Variants in UNC79 observed in about 807,000 individuals in gnomAD.
The protein encoded by UNC79 is protein unc-79 homolog.
UNC79 carries 37 observed loss-of-function variants against 283.1 expected under a neutral mutation model. That is an observed-to-expected ratio of 0.13 (90% CI 0.10 to 0.17). The LOEUF (loss-of-function observed/expected upper bound fraction) is 0.17. Ranked by LOEUF, UNC79 falls within the 10% of genes least tolerant of loss-of-function variation. The pLI is 1.00. For missense variants in UNC79, 2,272 were observed against 3,211.1 expected (o/e 0.71, Z 7.07); for synonymous variants, 1,107 against 1,200.2 (o/e 0.92, Z 1.61).
rs528190808 is a variant in UNC79 at position 93,404,737 on chromosome 14, T to C, written c.-350-62934T>C. 1.8e-3 allele frequency among the ~76,000 whole-genome samples: 273 copies of C among 151,238 alleles called. 2 individuals carry two copies. The highest frequency in any genetic ancestry group is 6.3e-3 in the African/African-American group (262 of 41,312). The stretch of plus-strand genomic sequence containing the variant: ...GTATATCAGAATAAACATAAAAAGA[T>C]TCAACTCCTCTCTTAATGAAAGAGA... On this transcript the variant is annotated intron_variant, in intron 1 of 49. Transcript: ENST00000256339.
At chr14:93,560,690 A>G (rs1028842602) in intron 14 of UNC79, among the ~76,000 whole-genome samples, 3 of 152,190 alleles carry the variant, frequency 2.0e-5, no homozygotes, top group African/African-American at 7.2e-5. Context: ...ACTAGTGTGC[A>G]TGTGCCTGTC....
chr14:93,633,187 T>G (rs749163617), intron 31 of UNC79, among the ~76,000 whole-genome samples: 2 of 152,200 alleles, frequency 1.3e-5, no homozygotes, highest in Non-Finnish European at 2.9e-5. Context: ...CATTGTAAGT[T>G]TTACCAATTA....
At chr14:93,347,883 T>A in intron 1 of UNC79, 2 of 577,544 alleles carry the variant, frequency 3.5e-6, no homozygotes, top group South Asian at 4.7e-5. Context: ...TGAATCGATT[T>A]TCAGCATTTT....
At chr14:93,612,569 C>T (rs2066387845) in intron 26 of UNC79, among the ~76,000 whole-genome samples, 1 of 152,178 alleles carries the variant, frequency 6.6e-6, no homozygotes, top group South Asian at 2.1e-4. Flanking sequence ...TTCCCATTCC[C>T]TAATTCTCCC....
chr14:93,629,386 T>C (rs2067843352), intron 30 of UNC79, among the ~76,000 whole-genome samples: 1 of 152,178 alleles, frequency 6.6e-6, no homozygotes, highest in Non-Finnish European at 1.5e-5. Context: ...TTATGCATGT[T>C]TTTGATTAGT....
rs911477710 is a variant in UNC79 at position 93,348,009 on chromosome 14, G to A, written c.-351+14486G>A. 16 of 1,508,690 alleles carry A rather than the reference G, an allele frequency of 1.1e-5. 1 individual carries two copies. In the African/African-American group the frequency reaches 1.2e-4, roughly 12 times the overall value. The allele number at this position is 1,508,690 out of a possible 1,614,324, so 93.5% of individuals were successfully genotyped here. On this transcript the variant is annotated intron_variant, in intron 1 of 49. Transcript: ENST00000256339. ...CCTAGGAAGCCATACTCAGCAGCGCGTGTCATCTTCTCTTCCAGGAAATGG... is the reference window on the plus strand; with the variant it reads ...CCTAGGAAGCCATACTCAGCAGCGCATGTCATCTTCTCTTCCAGGAAATGG...
intron 4 of UNC79, among the ~76,000 whole-genome samples, chr14:93,484,117 A>G (rs955952475): frequency 2.0e-5 from 3 of 152,158 alleles, no homozygotes; most frequent in African/African-American, 4.8e-5. Context: ...GTCTTCCACA[A>G]TGGTTGAACT....
At chr14:93,516,238 G>A (rs1053751657) in intron 7 of UNC79, among the ~76,000 whole-genome samples, 1 of 151,380 alleles carries the variant, frequency 6.6e-6, no homozygotes, top group African/African-American at 2.4e-5. Context: ...GTAGCTTTAC[G>A]GTGTATTTTA....
At chr14:93,457,335 A>G (rs2056824397) in intron 1 of UNC79, among the ~76,000 whole-genome samples, 1 of 152,238 alleles carries the variant, frequency 6.6e-6, no homozygotes, top group Non-Finnish European at 1.5e-5. Context: ...AATGCCATCC[A>G]TGATAGAAGG....
At chr14:93,464,866 G>A (rs975073366) in intron 1 of UNC79, among the ~76,000 whole-genome samples, 5 of 152,116 alleles carry the variant, frequency 3.3e-5, no homozygotes, top group African/African-American at 9.7e-5. Context: ...ACCACCTCTC[G>A]TGCACAAAAT....
At chr14:93,432,153 A>C (rs1486827027) in intron 1 of UNC79, among the ~76,000 whole-genome samples, 1 of 152,232 alleles carries the variant, frequency 6.6e-6, no homozygotes. Flanking sequence ...ACAAAACAGT[A>C]GTCTCATTAT....
intron 5 of UNC79, among the ~76,000 whole-genome samples, chr14:93,489,047 T>G (rs1188733535): frequency 1.3e-5 from 2 of 152,224 alleles, no homozygotes; most frequent in Non-Finnish European, 2.9e-5. Flanking sequence ...GCTCAAGCGA[T>G]TCTCCTTCCT....
At position 93,640,927 on chromosome 14, in the gene UNC79, G is replaced by A. The variant is rs541644878; in HGVS notation, c.5801-218G>A. ...TTCTTTCAAAGTCAAGAAGCAAAGAGAGAGAAGTCTAGCTCTTCACTTCAA... is the reference window on the plus strand; with the variant it reads ...TTCTTTCAAAGTCAAGAAGCAAAGAAAGAGAAGTCTAGCTCTTCACTTCAA... On this transcript the variant is annotated intron_variant, in intron 32 of 48. Transcript: ENST00000555664. Among the ~76,000 whole-genome samples, 4 of 152,262 alleles carry A rather than the reference G, an allele frequency of 2.6e-5. No individual in the cohort carries two copies. In the East Asian group the frequency reaches 7.7e-4, roughly 29 times the overall value.
intron 48 of UNC79, among the ~76,000 whole-genome samples, chr14:93,705,559 G>A (rs2075822310): frequency 6.6e-6 from 1 of 152,196 alleles, no homozygotes; most frequent in Admixed American, 6.5e-5. Flanking sequence ...AGGACCAAAA[G>A]GAAGAGTGAC....
At chr14:93,424,103 A>G (rs1487065292) in intron 1 of UNC79, among the ~76,000 whole-genome samples, 1 of 152,260 alleles carries the variant, frequency 6.6e-6, no homozygotes, top group Admixed American at 6.5e-5. Context: ...GCAAACGGGC[A>G]TATGAAAAGT....
In UNC79 at chr14:93,593,912, C is replaced by T; in HGVS notation, c.3190+75C>T. ...TGTCTGGTCACGGCATCTTTTTTGG[C>T]ACCTCCTTTCTTGTCCCTTCTTTTT... On this transcript the variant is annotated intron_variant, in intron 23 of 48. Coordinates refer to ENST00000555664, the Ensembl canonical transcript of UNC79. 3 of 1,445,726 alleles carry T rather than the reference C, an allele frequency of 2.1e-6. No individual in the cohort carries two copies. The South Asian group carries it at 4.5e-5, about 22-fold the overall frequency. 89.6% of individuals were successfully genotyped at this position (1,445,726 alleles called of 1,614,324 possible). A position where few individuals can be genotyped will look rare whatever the true frequency, so the allele number is the denominator to read the frequency against.
At chr14:93,506,841 T>C (rs2059568628) in intron 7 of UNC79, among the ~76,000 whole-genome samples, 1 of 152,198 alleles carries the variant, frequency 6.6e-6, no homozygotes, top group African/African-American at 2.4e-5. Flanking sequence ...GCTCATGTAG[T>C]CGTCATCCAA....
intron 40 of UNC79, among the ~76,000 whole-genome samples, chr14:93,665,298 A>G (rs916085901): frequency 3.8e-4 from 57 of 151,644 alleles, no homozygotes; most frequent in African/African-American, 1.3e-3. Context: ...TCACTGATAT[A>G]AAAAACTTAA....
At chr14:93,420,078 A>C (rs1282928810) in intron 1 of UNC79, among the ~76,000 whole-genome samples, 1 of 151,480 alleles carries the variant, frequency 6.6e-6, no homozygotes, top group African/African-American at 2.4e-5. Context: ...CCAGAAAGCA[A>C]ATAACAAAAT....
Sources: allele counts gnomAD v4.1 joint callset (sites outside exome capture counted in the v4.1 genomes callset), GRCh38; gene constraint gnomAD v4.1.1; transcripts MANE v1.5; gene names NCBI Gene and HGNC (gene_info 2026-07-23, HGNC 2026-07-21).